The following STK4 variants were observed in gnomAD, a reference collection of about 807,000 sequenced individuals.
STK4 encodes the protein serine/threonine kinase 4.
A neutral mutation model predicts 64.9 loss-of-function variants in STK4; 30 were observed. The ratio of observed to expected loss-of-function variants is 0.46; its 90% confidence interval spans 0.35 to 0.63. The LOEUF is 0.63. Among genes scored for constraint, STK4 ranks in the 20% least tolerant of loss-of-function variants. The pLI, the probability that STK4 is intolerant of heterozygous loss-of-function variation, is 0.01. For missense variants in STK4, 466 were observed against 598.5 expected (o/e 0.78, Z 2.31); for synonymous variants, 177 against 199.0 (o/e 0.89, Z 0.93).
intron 5 of STK4, among the ~76,000 whole-genome samples, 166 bp downstream of exon 5, chr20:44,987,462 A>T (rs1005296363): frequency 1.3e-5 from 2 of 152,188 alleles, no homozygotes; most frequent in African/African-American, 4.8e-5. Flanking sequence ...GTTATTTTAG[A>T]TCTTTTCCTG....
rs968835494 is a variant in STK4, at chr20:45,055,955, A to T, written c.1306-19063A>T. 6.6e-5 allele frequency among the ~76,000 whole-genome samples: 10 copies of T among 151,982 alleles called. No homozygotes were observed. In the South Asian group the frequency reaches 2.1e-3, roughly 32 times the overall value. On this transcript the variant is annotated intron_variant, in intron 10 of 10. Transcript: ENST00000372806. Reference sequence around the variant, plus strand: ...ACCATGTTGGCCAGGCTGGTCTGGAACTCCTGACCTCATGATCTGCCTGCC... The same window carrying T: ...ACCATGTTGGCCAGGCTGGTCTGGATCTCCTGACCTCATGATCTGCCTGCC...
intron 9 of STK4, among the ~76,000 whole-genome samples, chr20:45,020,284 C>T (rs1337426006): frequency 2.7e-5 from 4 of 149,766 alleles, no homozygotes; most frequent in Non-Finnish European, 6.0e-5. Flanking sequence ...GGTGGTCATG[C>T]AGTTTGGATG....
intron 10 of STK4, among the ~76,000 whole-genome samples, chr20:45,040,186 C>A (rs2068590891): frequency 6.6e-6 from 1 of 151,340 alleles, no homozygotes; most frequent in Non-Finnish European, 1.5e-5. Context: ...GATGCCATTT[C>A]ATTAGAGGTT....
chr20:45,003,028 A>G (rs56278095), intron 9 of STK4, among the ~76,000 whole-genome samples: 9,374 of 152,078 alleles, frequency 0.062, 962 homozygotes, highest in African/African-American at 0.21. Context: ...TATTTTTTTA[A>G]CAGATAGGGT....
rs16989644 is a variant in STK4 at position 45,054,181 on chromosome 20, C to T, written c.1306-20837C>T. Among the ~76,000 whole-genome samples the T allele has an allele frequency of 6.0e-3, 920 of 152,216 alleles. 31 individuals are homozygous for T. In the East Asian group the frequency reaches 0.099, roughly 16 times the overall value. ...CCCGCATATAGGCTTTACTGCTGTC[C>T]GTGCTTCATTCTCTCTCTGTTTAGC... On this transcript the variant is annotated intron_variant, in intron 10 of 10. Transcript: ENST00000372806.
intron 1 of STK4, chr20:44,970,669 T>C (rs2067227755): frequency 1.3e-5 from 2 of 152,198 alleles, no homozygotes; most frequent in South Asian, 4.1e-4. Flanking sequence ...CAAAGGTCAC[T>C]GTGATCATTT....
Position 44,966,572 on chromosome 20 carries a change from G to A in STK4, c.4G>A (p.Glu2Lys), listed in dbSNP as rs1431659437. 2 of 1,266,958 alleles carry A rather than the reference G, an allele frequency of 1.6e-6. No individual in the cohort carries two copies. Among genetic ancestry groups the A allele is most frequent in the Non-Finnish European group, 2.0e-6 (2 of 996,912 alleles). 78.5% of individuals were successfully genotyped at this position (1,266,958 alleles called of 1,614,324 possible). A position where few individuals can be genotyped will look rare whatever the true frequency, so the allele number is the denominator to read the frequency against. Residue 2 changes from glutamate (E) to lysine (K), a missense_variant, in exon 1 of 11, where the codon GAG becomes AAG. By Grantham distance (56) the Glu-to-Lys change is moderately conservative. Transcript: ENST00000372806. M[E>K]TVQLRNPPRR... Reference sequence around the variant, plus strand: ...CTGGGCGGCTGCTGGCAGCGCCATGGAGACGGTACAGCTGAGGAACCCGCC... The same window carrying A: ...CTGGGCGGCTGCTGGCAGCGCCATGAAGACGGTACAGCTGAGGAACCCGCC...
At chr20:45,070,831 T>C (rs897152982) in intron 10 of STK4, among the ~76,000 whole-genome samples, 3 of 146,936 alleles carry the variant, frequency 2.0e-5, no homozygotes, top group African/African-American at 7.6e-5. Flanking sequence ...GAGGTTGCAG[T>C]GAGCTGAGAT....
intron 2 of STK4, chr20:44,975,329 T>A (rs2067320979): frequency 1.0e-6 from 1 of 984,130 alleles, no homozygotes; most frequent in Non-Finnish European, 1.2e-6. Context: ...TTCAGATTAC[T>A]GTAGATGCAG....
intron 10 of STK4, among the ~76,000 whole-genome samples, chr20:45,034,738 C>A (rs2068499100): frequency 6.6e-6 from 1 of 151,872 alleles, no homozygotes; most frequent in South Asian, 2.1e-4. Context: ...ATAGTGAGAT[C>A]CCCATCTCTA....
At chr20:44,987,034 C>G in intron 4 of STK4, 98 bp from the exon 5 acceptor site, 2 of 975,392 alleles carry the variant, frequency 2.1e-6, no homozygotes, top group African/African-American at 1.7e-5. Context: ...TGAATAAGAT[C>G]TGTTTATATT....
At position 45,037,291 on chromosome 20, in the gene STK4, C is replaced by T. The variant is rs561930141; in HGVS notation, c.1305+12161C>T. On this transcript the variant is annotated intron_variant, in intron 10 of 10. Transcript: ENST00000372806. The stretch of plus-strand genomic sequence containing the variant: ...ACTGAGTAATTGAGCTGGAGCATTA[C>T]CAGTGTGGATGTGTGCAAAAGGGGA... Among the ~76,000 whole-genome samples, 6 of 152,132 alleles carry T rather than the reference C, an allele frequency of 3.9e-5. No individual in the cohort carries two copies. In the South Asian group the frequency reaches 1.2e-3, roughly 32 times the overall value.
At chr20:45,061,596 A>ATTTT (rs56017495) in intron 10 of STK4, among the ~76,000 whole-genome samples, 40 of 141,018 alleles carry the variant, frequency 2.8e-4, no homozygotes, top group Middle Eastern at 3.5e-3. Context: ...TAGTATGGAA[A>ATTTT]TTTTTTTTTT....
intron 9 of STK4, among the ~76,000 whole-genome samples, chr20:45,019,857 A>T (rs1293332864): frequency 6.6e-6 from 1 of 152,232 alleles, no homozygotes; most frequent in Non-Finnish European, 1.5e-5. Context: ...TCAGCTTGGA[A>T]TGATTCTCTT....
intron 9 of STK4, among the ~76,000 whole-genome samples, chr20:45,018,242 A>T (rs1266604740): frequency 2.6e-5 from 4 of 152,162 alleles, no homozygotes; most frequent in Non-Finnish European, 5.9e-5. Flanking sequence ...TCCTGCAAAC[A>T]TTCATGCATG....
intron 1 of STK4, among the ~76,000 whole-genome samples, chr20:44,968,002 T>C (rs2067180752): frequency 6.6e-6 from 1 of 152,156 alleles, no homozygotes; most frequent in African/African-American, 2.4e-5. Flanking sequence ...CAATCCTGTG[T>C]GGTAGATATC....
At chr20:45,047,909 G>T (rs960480093) in intron 10 of STK4, among the ~76,000 whole-genome samples, 4 of 152,124 alleles carry the variant, frequency 2.6e-5, no homozygotes, top group African/African-American at 9.7e-5. Flanking sequence ...CTGTTTCTTT[G>T]TCTGCTAAAG....
chr20:45,024,132 C>A (rs2068301274), intron 9 of STK4, among the ~76,000 whole-genome samples: 1 of 151,808 alleles, frequency 6.6e-6, no homozygotes, highest in Non-Finnish European at 1.5e-5. Context: ...GATCTCCTGG[C>A]CTTGTGATCT....
At chr20:44,968,605 T>C (rs1319269241) in intron 1 of STK4, among the ~76,000 whole-genome samples, 1 of 152,254 alleles carries the variant, frequency 6.6e-6, no homozygotes, top group East Asian at 1.9e-4. Flanking sequence ...GGTTTCTTTC[T>C]CCGAGGCCTT....
Sources: allele counts gnomAD v4.1 joint callset (sites outside exome capture counted in the v4.1 genomes callset), GRCh38; gene constraint gnomAD v4.1.1; transcripts MANE v1.5; gene names NCBI Gene and HGNC (gene_info 2026-07-23, HGNC 2026-07-21).